The following ALK variants were observed in gnomAD, a reference collection of about 807,000 sequenced individuals.
ALK encodes ALK receptor tyrosine kinase, also known as ALK tyrosine kinase receptor.
In ALK, 74 loss-of-function variants were observed where a neutral mutation model predicts 163.1. The observed-to-expected ratio is 0.45, with a 90% confidence interval of 0.38 to 0.55. ALK has a LOEUF of 0.55. ALK is among the 20% of genes least tolerant of loss of function. The probability of loss-of-function intolerance (pLI) is 0.00; values close to 1 mark genes in which losing one functional copy is unlikely to be tolerated. For synonymous variants in ALK, 960 were observed against 843.2 expected (o/e 1.14, Z -2.40); for missense variants, 2,063 against 2,105.3 (o/e 0.98, Z 0.39).
At chr2:29,317,620 G>C (rs1281553497) in intron 8 of ALK, among the ~76,000 whole-genome samples, 2 of 152,186 alleles carry the variant, frequency 1.3e-5, no homozygotes, top group African/African-American at 4.8e-5. Flanking sequence ...TTCCCAGTGA[G>C]GAAACTGAAG....
At chr2:29,333,699 T>C (rs1450630365) in intron 5 of ALK, among the ~76,000 whole-genome samples, 1 of 152,200 alleles carries the variant, frequency 6.6e-6, no homozygotes, top group African/African-American at 2.4e-5. Flanking sequence ...CGTCCTAGCC[T>C]TGACCTTCCC....
At chr2:29,419,347 A>G (rs1669961430) in intron 4 of ALK, among the ~76,000 whole-genome samples, 1 of 151,462 alleles carries the variant, frequency 6.6e-6, no homozygotes, top group Non-Finnish European at 1.5e-5. Context: ...AGCCACCGCA[A>G]CTGGCCAAGA....
intron 3 of ALK, among the ~76,000 whole-genome samples, chr2:29,660,109 TGGACAATGGG>T (rs1252383378): frequency 1.1e-4 from 16 of 152,190 alleles, no homozygotes; most frequent in Admixed American, 5.9e-4. Flanking sequence ...GGATGTGCTA[TGGACAATGGG>T]GGCACCAAGA....
intron 8 of ALK, among the ~76,000 whole-genome samples, chr2:29,304,223 C>G (rs10195485): frequency 1.3e-5 from 2 of 152,036 alleles, no homozygotes; most frequent in African/African-American, 4.8e-5. Context: ...TCTGGCTGGG[C>G]GCGGTGGCTT....
intron 4 of ALK, among the ~76,000 whole-genome samples, chr2:29,384,793 TACAAAAAGTGTC>T (rs1668989240): frequency 6.6e-6 from 1 of 152,174 alleles, no homozygotes; most frequent in Admixed American, 6.5e-5. Context: ...AAATTACATG[TACAAAAAGTGTC>T]ACTTTGGGAG....
chr2:29,749,700 C>A (rs1444416914), intron 1 of ALK, among the ~76,000 whole-genome samples: 1 of 152,186 alleles, frequency 6.6e-6, no homozygotes, highest in African/African-American at 2.4e-5. Context: ...GCATCTCCAA[C>A]CCCCTGAGCC....
intron 1 of ALK, among the ~76,000 whole-genome samples, chr2:29,901,034 C>A (rs1038833400): frequency 6.6e-6 from 1 of 151,636 alleles, no homozygotes; most frequent in East Asian, 1.9e-4. Context: ...AGCAAGCAAG[C>A]TTTTCCTCAT....
intron 4 of ALK, among the ~76,000 whole-genome samples, chr2:29,520,694 C>T (rs534071120): frequency 1.3e-5 from 2 of 152,230 alleles, no homozygotes; most frequent in Admixed American, 6.5e-5. Flanking sequence ...GGCAAAATGG[C>T]TTGAACTGGC....
At chr2:29,736,887 A>G (rs1040884798) in intron 1 of ALK, among the ~76,000 whole-genome samples, 12 of 152,122 alleles carry the variant, frequency 7.9e-5, no homozygotes, top group African/African-American at 2.9e-4. Flanking sequence ...AATATTTTTT[A>G]TTAATTGAAT....
intron 3 of ALK, among the ~76,000 whole-genome samples, chr2:29,604,411 A>G (rs2148216702): frequency 6.6e-6 from 1 of 152,280 alleles, no homozygotes; most frequent in East Asian, 1.9e-4. Context: ...TGTGTCAGGG[A>G]TTACACTCAG....
At chr2:29,481,050 G>T (rs1671648856) in intron 4 of ALK, among the ~76,000 whole-genome samples, 1 of 152,180 alleles carries the variant, frequency 6.6e-6, no homozygotes, top group South Asian at 2.1e-4. Context: ...GTGTATTCCT[G>T]TAATGGGGGC....
At chr2:29,723,421 C>G (rs1228333295) in intron 1 of ALK, among the ~76,000 whole-genome samples, 4 of 152,230 alleles carry the variant, frequency 2.6e-5, no homozygotes, top group Non-Finnish European at 5.9e-5. Context: ...TCATTGTAAG[C>G]CACTCCCATC....
At chr2:29,208,181 TGAA>T (rs1669365635) in intron 25 of ALK, 1 of 390,756 alleles carries the variant, frequency 2.6e-6, no homozygotes, top group Admixed American at 2.5e-5. Context: ...GTGACACAAA[TGAA>T]GAATTGATTC....
chr2:29,762,925 A>G (rs567760971), intron 1 of ALK, among the ~76,000 whole-genome samples: 1 of 152,020 alleles, frequency 6.6e-6, no homozygotes, highest in Non-Finnish European at 1.5e-5. Flanking sequence ...CATCTCTACT[A>G]AAAATACAAA....
chr2:29,676,802 C>G (rs920388509), intron 3 of ALK, among the ~76,000 whole-genome samples: 2 of 151,794 alleles, frequency 1.3e-5, no homozygotes, highest in African/African-American at 4.8e-5. Flanking sequence ...TTTATATTAT[C>G]TTTAATTTCA....
chr2:29,300,485 G>A (rs1666336617), intron 8 of ALK, among the ~76,000 whole-genome samples: 1 of 151,026 alleles, frequency 6.6e-6, no homozygotes, highest in Non-Finnish European at 1.5e-5. Context: ...AACCTGGGAG[G>A]CAGAGGTTGC....
chr2:29,730,855 G>C (rs1008978505), intron 1 of ALK, among the ~76,000 whole-genome samples: 13 of 152,140 alleles, frequency 8.5e-5, no homozygotes, highest in Non-Finnish European at 1.3e-4. Flanking sequence ...TGGGACCACA[G>C]CTCACTACTG....
At chr2:29,473,671 C>T (rs1671425986) in intron 4 of ALK, among the ~76,000 whole-genome samples, 1 of 151,710 alleles carries the variant, frequency 6.6e-6, no homozygotes, top group Admixed American at 6.6e-5. Flanking sequence ...GAGTTTGAGA[C>T]CAGCCTGGCC....
intron 1 of ALK, among the ~76,000 whole-genome samples, chr2:29,745,392 A>T (rs919897503): frequency 6.6e-6 from 1 of 152,172 alleles, no homozygotes; most frequent in African/African-American, 2.4e-5. Context: ...AACACCCCTG[A>T]AAATGCTGGG....
Sources: gnomAD v4.1 joint callset for allele counts (sites outside exome capture counted in the v4.1 genomes callset) on GRCh38, gnomAD v4.1.1 for gene constraint, MANE v1.5 for transcripts, NCBI Gene and HGNC (gene_info 2026-07-23, HGNC 2026-07-21) for gene names.